Variants in EYS observed in about 807,000 individuals in gnomAD.
EYS encodes protein eyes shut homolog.
In EYS, 250 loss-of-function variants were observed where a neutral mutation model predicts 282.1. The observed-to-expected ratio is 0.89, with a 90% CI of 0.80 to 0.98. The LOEUF (loss-of-function observed/expected upper bound fraction) is 0.98. Ranked by LOEUF, EYS falls within the 50% of genes least tolerant of loss-of-function variation. EYS has a pLI of 0.00. For synonymous variants in EYS, 1,355 were observed against 1,282.9 expected, an observed-to-expected ratio of 1.06 and a Z score of -1.20; for missense variants, 4,016 against 3,709.0, an observed-to-expected ratio of 1.08 and a Z score of -2.15.
At chr6:64,643,981 T>A (rs758194268) in intron 22 of EYS, among the ~76,000 whole-genome samples, 57 of 152,324 alleles carry the variant, frequency 3.7e-4, no homozygotes, top group Middle Eastern at 6.8e-3. Context: ...AGCTGTTTAA[T>A]CCAAAAAGCT....
At chr6:64,018,709 G>A (rs558738273) in intron 33 of EYS, among the ~76,000 whole-genome samples, 1 of 144,628 alleles carries the variant, frequency 6.9e-6, no homozygotes, top group African/African-American at 2.5e-5. Flanking sequence ...TTTTTGAGAT[G>A]AAGAGATCAT....
chr6:64,030,375 A>G (rs1051631433), intron 33 of EYS, among the ~76,000 whole-genome samples: 1 of 152,206 alleles, frequency 6.6e-6, no homozygotes, highest in Non-Finnish European at 1.5e-5. Flanking sequence ...ATGTCGACCC[A>G]TATCTGCCTC....
chr6:65,027,026 T>G (rs1014879068), intron 13 of EYS, among the ~76,000 whole-genome samples: 112 of 152,042 alleles, frequency 7.4e-4, no homozygotes, highest in Non-Finnish European at 1.4e-3. Flanking sequence ...ATGTGTGTTT[T>G]TTTTTTTTGA....
intron 33 of EYS, among the ~76,000 whole-genome samples, chr6:64,042,546 A>G (rs571683479): frequency 6.6e-6 from 1 of 152,282 alleles, no homozygotes; most frequent in East Asian, 1.9e-4. Flanking sequence ...CCTTCCATGA[A>G]TATCCCAGGT....
chr6:65,529,219 T>C (rs987180154), intron 2 of EYS, among the ~76,000 whole-genome samples: 1 of 152,176 alleles, frequency 6.6e-6, no homozygotes, highest in African/African-American at 2.4e-5. Context: ...AGTGACACAT[T>C]TTAAGCTTTA....
intron 35 of EYS, among the ~76,000 whole-genome samples, chr6:63,917,740 G>A (rs1335309408): frequency 3.3e-5 from 5 of 152,296 alleles, no homozygotes; most frequent in Non-Finnish European, 5.9e-5. Flanking sequence ...CTTTTATGAT[G>A]AGTCCAATTT....
At chr6:64,014,887 T>C (rs1414315599) in intron 33 of EYS, among the ~76,000 whole-genome samples, 2 of 152,010 alleles carry the variant, frequency 1.3e-5, no homozygotes, top group Non-Finnish European at 2.9e-5. Context: ...AAATTTCCTA[T>C]AGGGAGAGAA....
chr6:64,350,111 G>T (rs1461313042), intron 29 of EYS, among the ~76,000 whole-genome samples: 4 of 151,306 alleles, frequency 2.6e-5, no homozygotes, highest in Non-Finnish European at 5.9e-5. Flanking sequence ...AGTCATTTTG[G>T]CAATTTTACA....
intron 15 of EYS, among the ~76,000 whole-genome samples, chr6:64,913,125 C>T (rs1191678638): frequency 6.6e-6 from 1 of 152,028 alleles, no homozygotes; most frequent in East Asian, 1.9e-4. Context: ...TTTAATTCAG[C>T]GTCCTTAGCA....
intron 11 of EYS, among the ~76,000 whole-genome samples, chr6:65,326,670 C>G (rs1000806111): frequency 6.6e-6 from 1 of 151,242 alleles, no homozygotes; most frequent in Non-Finnish European, 1.5e-5. Flanking sequence ...AAACATTGAG[C>G]CTTTCTACCC....
intron 2 of EYS, among the ~76,000 whole-genome samples, chr6:65,593,337 G>C (rs1765297218): frequency 6.6e-6 from 1 of 151,984 alleles, no homozygotes; most frequent in Admixed American, 6.6e-5. Flanking sequence ...ATCAAATGGA[G>C]ACTTTTTGCT....
intron 2 of EYS, among the ~76,000 whole-genome samples, chr6:65,521,975 G>A (rs557337088): frequency 2.0e-5 from 3 of 152,108 alleles, no homozygotes; most frequent in East Asian, 1.9e-4. Context: ...TAATTTTATT[G>A]TTCGGAGTTT....
intron 21 of EYS, among the ~76,000 whole-genome samples, chr6:64,816,935 G>A (rs911016504): frequency 1.3e-5 from 2 of 151,200 alleles, no homozygotes; most frequent in African/African-American, 4.9e-5. Context: ...TTAATAAGAA[G>A]AAAGTAGAAC....
chr6:65,567,814 T>C (rs900350043), intron 2 of EYS, among the ~76,000 whole-genome samples: 1 of 152,128 alleles, frequency 6.6e-6, no homozygotes, highest in Admixed American at 6.6e-5. Flanking sequence ...CTTTGAATAT[T>C]GCTCCCTTAA....
At chr6:65,629,273 C>T (rs1766828783) in intron 2 of EYS, among the ~76,000 whole-genome samples, 1 of 152,156 alleles carries the variant, frequency 6.6e-6, no homozygotes, top group Non-Finnish European at 1.5e-5. Context: ...TTATGACACA[C>T]ACACAAAAGA....
At chr6:64,583,302 CA>C (rs779632872) in intron 26 of EYS, among the ~76,000 whole-genome samples, 5 of 150,638 alleles carry the variant, frequency 3.3e-5, no homozygotes, top group African/African-American at 4.9e-5. Flanking sequence ...AAACATTATT[CA>C]AAAAAAACCC....
At chr6:63,752,088 A>C (rs1217702349) in intron 41 of EYS, among the ~76,000 whole-genome samples, 1 of 152,192 alleles carries the variant, frequency 6.6e-6, no homozygotes, top group East Asian at 1.9e-4. Flanking sequence ...TAAACTTTAA[A>C]ATTTTTGCAA....
intron 19 of EYS, among the ~76,000 whole-genome samples, chr6:64,838,817 C>A (rs566876903): frequency 6.6e-6 from 1 of 152,012 alleles, no homozygotes; most frequent in South Asian, 2.1e-4. Context: ...GCTCCACTTA[C>A]AACATTTTTG....
At chr6:64,200,616 T>C (rs1450313795) in intron 31 of EYS, among the ~76,000 whole-genome samples, 2 of 152,174 alleles carry the variant, frequency 1.3e-5, no homozygotes, top group African/African-American at 2.4e-5. Context: ...GAGTTCATTA[T>C]GGCTCAGAAT....
Sources: gnomAD v4.1 joint callset for allele counts (sites outside exome capture counted in the v4.1 genomes callset) on GRCh38, gnomAD v4.1.1 for gene constraint, MANE v1.5 for transcripts, NCBI Gene and HGNC (gene_info 2026-07-23, HGNC 2026-07-21) for gene names.